Variants in DIAPH2 observed in about 807,000 individuals in gnomAD.
The protein encoded by DIAPH2 is diaphanous related formin 2, also known as protein diaphanous homolog 2.
In DIAPH2, 35 loss-of-function variants were observed where a neutral mutation model predicts 92.7. That is an observed-to-expected ratio of 0.38 (90% confidence interval 0.29 to 0.50). The LOEUF is 0.50. Among genes scored for constraint, DIAPH2 ranks in the 20% least tolerant of loss-of-function variants. The pLI is 0.94. For missense variants in DIAPH2, 701 were observed against 819.5 expected (o/e 0.86, Z 1.77); for synonymous variants, 301 against 280.4 (o/e 1.07, Z -0.73).
intron 22 of DIAPH2, among the ~76,000 whole-genome samples, chrX:97,227,022 G>C (rs1253446226): frequency 6.3e-5 from 7 of 111,115 alleles, no homozygotes; most frequent in Non-Finnish European, 1.3e-4. Flanking sequence ...TGTAATCCCA[G>C]CAGTTTGGGA....
At chrX:97,135,027 T>A (rs2067160691) in intron 21 of DIAPH2, among the ~76,000 whole-genome samples, 1 of 112,003 alleles carries the variant, frequency 8.9e-6, no homozygotes, top group Non-Finnish European at 1.9e-5. Flanking sequence ...ATTTATTCAT[T>A]CAACATTTAC....
intron 3 of DIAPH2, among the ~76,000 whole-genome samples, chrX:96,751,076 A>AGAAT (rs1347127765): frequency 8.9e-6 from 1 of 112,327 alleles, no homozygotes; most frequent in Non-Finnish European, 1.9e-5. Flanking sequence ...TGAGAATTGA[A>AGAAT]GAATGAATGA....
At chrX:96,887,133 G>A (rs2065268693) in intron 5 of DIAPH2, among the ~76,000 whole-genome samples, 1 of 111,291 alleles carries the variant, frequency 9.0e-6, no homozygotes, top group Non-Finnish European at 1.9e-5. Context: ...TTCTGCTGCA[G>A]GTAAGAGATA....
intron 23 of DIAPH2, among the ~76,000 whole-genome samples, chrX:97,343,828 A>G (rs935756091): frequency 9.0e-6 from 1 of 111,607 alleles, no homozygotes; most frequent in African/African-American, 3.3e-5. Context: ...TAAAAAGAAA[A>G]ATAAAGGAGT....
chrX:96,685,126 G>T lies in DIAPH2; in HGVS notation c.68G>T (p.Ser23Ile). The T allele has an allele frequency of 9.8e-7, 1 of 1,016,590 alleles. No homozygotes were observed. The highest frequency in any genetic ancestry group is 1.3e-6 in the Non-Finnish European group (1 of 794,213). 83.8% of individuals were successfully genotyped at this position (1,016,590 alleles called of 1,213,427 possible). ...AGCGAGGAACCCGGTGGGGGCCGGAGCAACAAGCGGAGCGCGGGGAACCGG... is the reference window on the plus strand; with the variant it reads ...AGCGAGGAACCCGGTGGGGGCCGGATCAACAAGCGGAGCGCGGGGAACCGG... Reference protein sequence around the residue: ...GGSEEPGGGRSNKRSAGNRAA... With the variant: ...GGSEEPGGGRINKRSAGNRAA... The change falls in exon 1 of 27, where the codon AGC becomes ATC. Residue 23 changes from serine to isoleucine, a missense_variant. Transcript: ENST00000324765.
In DIAPH2 at chrX:97,292,157, T is replaced by C. The variant is rs148810658; in HGVS notation, c.2844+44318T>C. Among the ~76,000 whole-genome samples the C allele has an allele frequency of 5.2e-3, 549 of 105,336 alleles. 3 individuals carry two copies. Among genetic ancestry groups the C allele is most frequent in the Admixed American group, 9.7e-3 (92 of 9,531 alleles). The allele number at this position is 105,336 out of a possible 115,157, so 91.5% of individuals were successfully genotyped here. ...GATCCTCCTGCCTCAGCCTCCTGAA[T>C]AGGTGGGACCACAGGTGCATGACAC... On this transcript the variant is annotated intron_variant, in intron 23 of 26. Coordinates refer to ENST00000324765, the MANE Select transcript of DIAPH2 (RefSeq NM_006729.5).
chrX:97,359,594 T>A (rs954383667), intron 24 of DIAPH2, among the ~76,000 whole-genome samples: 2 of 97,943 alleles, frequency 2.0e-5, no homozygotes, highest in Non-Finnish European at 4.2e-5. Flanking sequence ...TTTTTTTTTT[T>A]ATGATACAGA....
At chrX:97,243,010 TCTCCTGAC>T (rs2068109818) in intron 22 of DIAPH2, among the ~76,000 whole-genome samples, 1 of 108,907 alleles carries the variant, frequency 9.2e-6, no homozygotes, top group Non-Finnish European at 1.9e-5. Context: ...ATGGTCTCGA[TCTCCTGAC>T]CTCGTGATCT....
chrX:97,299,012 C>T (rs1363267570), intron 23 of DIAPH2, among the ~76,000 whole-genome samples: 1 of 111,435 alleles, frequency 9.0e-6, no homozygotes, highest in African/African-American at 3.3e-5. Flanking sequence ...CTGTTTACCA[C>T]GTTTTTGAGG....
chrX:97,388,745 G>A (rs2069624883), intron 25 of DIAPH2, among the ~76,000 whole-genome samples: 2 of 111,018 alleles, frequency 1.8e-5, no homozygotes, highest in Non-Finnish European at 3.8e-5. Flanking sequence ...TATCATCTTA[G>A]AGTTGAAACT....
intron 26 of DIAPH2, among the ~76,000 whole-genome samples, chrX:97,459,742 G>A (rs902914495): frequency 1.8e-5 from 2 of 111,765 alleles, no homozygotes; most frequent in African/African-American, 6.5e-5. Context: ...CTTGCTCAGT[G>A]TAATAGAGCT....
intron 22 of DIAPH2, among the ~76,000 whole-genome samples, chrX:97,244,665 A>T (rs1254106952): frequency 3.6e-5 from 4 of 112,039 alleles, no homozygotes; most frequent in African/African-American, 1.3e-4. Context: ...GAAAAATATG[A>T]TAGGGAGAAG....
chrX:97,516,203 C>T (rs925302875), intron 26 of DIAPH2, among the ~76,000 whole-genome samples: 8 of 109,462 alleles, frequency 7.3e-5, no homozygotes, highest in Non-Finnish European at 1.5e-4. Flanking sequence ...TGCAGTGAGC[C>T]GAGATCGCGC....
At chrX:97,323,795 C>G (rs763467797) in intron 23 of DIAPH2, among the ~76,000 whole-genome samples, 1 of 104,140 alleles carries the variant, frequency 9.6e-6, no homozygotes, top group Non-Finnish European at 1.9e-5. Context: ...CCCAGCTACT[C>G]AGGAGGCTGA....
At chrX:96,749,128 G>GAAAA (rs759288156) in intron 3 of DIAPH2, among the ~76,000 whole-genome samples, 27 of 55,586 alleles carry the variant, frequency 4.9e-4, no homozygotes, top group African/African-American at 1.6e-3. Flanking sequence ...TACCCCATCA[G>GAAAA]AAAAAAAAAA....
At chrX:96,882,034 A>T (rs2065216175) in intron 5 of DIAPH2, among the ~76,000 whole-genome samples, 1 of 96,496 alleles carries the variant, frequency 1.0e-5, no homozygotes, top group South Asian at 5.9e-4. Flanking sequence ...AATTAAGTAT[A>T]TTTGCTCCAT....
At chrX:96,689,590 C>T (rs757499342) in intron 1 of DIAPH2, among the ~76,000 whole-genome samples, 4 of 110,267 alleles carry the variant, frequency 3.6e-5, no homozygotes, top group African/African-American at 1.3e-4. Context: ...TAGTACCACA[C>T]ACCCTGAACA....
chrX:97,050,913 G>T (rs5921263), intron 17 of DIAPH2, among the ~76,000 whole-genome samples: 3,933 of 111,669 alleles, frequency 0.035, 84 homozygotes, highest in Middle Eastern at 0.079. Flanking sequence ...GAGTGAAGGT[G>T]GTAACATTGT....
chrX:97,082,392 G>C (rs1417650891), intron 19 of DIAPH2, among the ~76,000 whole-genome samples: 1 of 107,881 alleles, frequency 9.3e-6, no homozygotes, highest in Admixed American at 1.0e-4. Context: ...GGCCGAGGAG[G>C]GAATATCACT....
Sources: allele counts gnomAD v4.1 joint callset (sites outside exome capture counted in the v4.1 genomes callset), GRCh38; gene constraint gnomAD v4.1.1; transcripts MANE v1.5; gene names NCBI Gene and HGNC (gene_info 2026-07-23, HGNC 2026-07-21).